Variants in MAPRE2 observed in about 807,000 individuals in gnomAD.
MAPRE2 encodes the protein microtubule-associated protein RP/EB family member 2.
In MAPRE2, 13 loss-of-function variants were observed where a neutral mutation model predicts 43.2. The observed-to-expected ratio is 0.30, with a 90% CI of 0.20 to 0.48. MAPRE2 has a LOEUF of 0.48. Ranked by LOEUF, MAPRE2 falls within the 20% of genes least tolerant of loss-of-function variation. The pLI, the probability that MAPRE2 is intolerant of heterozygous loss-of-function variation, is 0.99. For synonymous variants in MAPRE2, 135 were observed against 148.8 expected (o/e 0.91, Z 0.68); for missense variants, 161 against 400.2 (o/e 0.40, Z 5.10).
chr18:35,008,082 G>A lies in MAPRE2; in HGVS notation c.-8+2529G>A, dbSNP rs371367352. 3.3e-5 allele frequency among the ~76,000 whole-genome samples: 5 copies of A among 152,188 alleles called. No homozygotes were observed. In the East Asian group the frequency reaches 7.7e-4, roughly 24 times the overall value. The stretch of plus-strand genomic sequence containing the variant: ...AATGAGTAATCCTATCTGCTATTAA[G>A]TGGTTCCTGAGATTCCTTTACTGGG... On this transcript the variant is annotated intron_variant, in intron 2 of 7. Coordinates refer to the MAPRE2 transcript ENST00000413393.
At chr18:35,135,807 A>G (rs904248686) in intron 6 of MAPRE2, among the ~76,000 whole-genome samples, 3 of 152,224 alleles carry the variant, frequency 2.0e-5, no homozygotes, top group Admixed American at 6.5e-5. Context: ...CACTTTGTTC[A>G]TGATGCTGTT....
intron 2 of MAPRE2, among the ~76,000 whole-genome samples, chr18:35,020,771 AT>A (rs570905147): frequency 7.6e-4 from 115 of 152,288 alleles, no homozygotes; most frequent in African/African-American, 2.6e-3. Context: ...TAAATTTGAT[AT>A]TTTCGTTGTA....
chr18:35,057,396 T>G (rs1906287722), intron 1 of MAPRE2, among the ~76,000 whole-genome samples: 1 of 152,176 alleles, frequency 6.6e-6, no homozygotes, highest in Non-Finnish European at 1.5e-5. Flanking sequence ...TGTACTTCCC[T>G]TTGAAAATTG....
chr18:35,022,020 C>T (rs549814650), intron 2 of MAPRE2, among the ~76,000 whole-genome samples: 4 of 152,192 alleles, frequency 2.6e-5, no homozygotes, highest in African/African-American at 9.6e-5. Context: ...TCTGAAGCCT[C>T]AGAAGCAGTG....
intron 1 of MAPRE2, among the ~76,000 whole-genome samples, chr18:35,058,167 A>G (rs1906333430): frequency 6.6e-6 from 1 of 152,216 alleles, no homozygotes; most frequent in Non-Finnish European, 1.5e-5. Flanking sequence ...AGAAGAGTAG[A>G]TAAGCACAAA....
At chr18:34,991,946 C>G (rs887480943) in intron 1 of MAPRE2, among the ~76,000 whole-genome samples, 6 of 152,018 alleles carry the variant, frequency 3.9e-5, no homozygotes, top group African/African-American at 1.5e-4. Context: ...TCTTGTGAGG[C>G]CTAGTGGTGT....
intron 2 of MAPRE2, among the ~76,000 whole-genome samples, chr18:35,024,065 G>T (rs1268596715): frequency 6.6e-6 from 1 of 152,078 alleles, no homozygotes; most frequent in Non-Finnish European, 1.5e-5. Flanking sequence ...ATAATTTTTT[G>T]GTCATAATGT....
chr18:35,107,391 A>G (rs1440897961), intron 4 of MAPRE2, among the ~76,000 whole-genome samples: 2 of 152,152 alleles, frequency 1.3e-5, no homozygotes, highest in East Asian at 3.8e-4. Context: ...GGCTGTTTGT[A>G]TGACTGTAAA....
chr18:35,034,269 A>G (rs568072813), intron 2 of MAPRE2, among the ~76,000 whole-genome samples: 1 of 152,140 alleles, frequency 6.6e-6, no homozygotes, highest in African/African-American at 2.4e-5. Flanking sequence ...GGGAAAGGAT[A>G]CCCTATTTAA....
At position 35,047,189 on chromosome 18, in the gene MAPRE2, G is replaced by C. The variant is rs1472763254; in HGVS notation, c.122+5528G>C. 2.0e-5 allele frequency among the ~76,000 whole-genome samples: 3 copies of C among 152,130 alleles called. No individual in the cohort carries two copies. The East Asian group carries it at 5.8e-4, about 29-fold the overall frequency. ...TTATTTTAGTCAATTTCACTTTAAA[G>C]GACAAATTGATTTTCTTCTCTCCTG... On this transcript the variant is annotated intron_variant, in intron 1 of 6. Coordinates refer to ENST00000300249, the MANE Select transcript of MAPRE2 (RefSeq NM_014268.4).
At chr18:34,992,630 T>C (rs1438087711) in intron 1 of MAPRE2, among the ~76,000 whole-genome samples, 1 of 152,212 alleles carries the variant, frequency 6.6e-6, no homozygotes, top group Non-Finnish European at 1.5e-5. Flanking sequence ...GTGGGAACTA[T>C]ATTTTTTTCC....
At chr18:35,119,568 AT>A (rs1445876846) in intron 4 of MAPRE2, among the ~76,000 whole-genome samples, 6 of 152,234 alleles carry the variant, frequency 3.9e-5, no homozygotes, top group African/African-American at 7.2e-5. Flanking sequence ...CTCAATAAAA[AT>A]TTGCACAAAT....
At chr18:34,994,516 G>C (rs2097025484) in intron 1 of MAPRE2, among the ~76,000 whole-genome samples, 1 of 152,018 alleles carries the variant, frequency 6.6e-6, no homozygotes, top group African/African-American at 2.4e-5. Flanking sequence ...GGCCAGAAAG[G>C]CCAGAGAAGG....
upstream of MAPRE2, among the ~76,000 whole-genome samples, chr18:35,036,575 C>T (rs759473084): frequency 1.3e-5 from 2 of 152,164 alleles, no homozygotes; most frequent in South Asian, 2.1e-4. Flanking sequence ...ATGTTATAAC[C>T]TTCCCTACCT....
At chr18:34,985,943 T>C (rs944984813) in intron 1 of MAPRE2, among the ~76,000 whole-genome samples, 1 of 151,718 alleles carries the variant, frequency 6.6e-6, no homozygotes. Context: ...AGGCTTACTA[T>C]ATTTTTACTA....
At chr18:35,078,703 A>G (rs958071800) in intron 2 of MAPRE2, among the ~76,000 whole-genome samples, 3 of 152,142 alleles carry the variant, frequency 2.0e-5, no homozygotes, top group Admixed American at 1.3e-4. Flanking sequence ...TTCCATATCC[A>G]TTTAGCAGAA....
intron 1 of MAPRE2, among the ~76,000 whole-genome samples, chr18:34,990,075 T>A (rs1192117861): frequency 6.6e-6 from 1 of 152,166 alleles, no homozygotes; most frequent in Non-Finnish European, 1.5e-5. Flanking sequence ...GATTTTAACT[T>A]TGGGAATTGT....
chr18:35,010,372 T>A (rs1017971767), intron 2 of MAPRE2, among the ~76,000 whole-genome samples: 1 of 152,240 alleles, frequency 6.6e-6, no homozygotes, highest in Admixed American at 6.5e-5. Context: ...TACCACTGCA[T>A]ACCAGCTTGT....
chr18:35,126,820 T>A, intron 4 of MAPRE2, 128 bp from the exon 5 acceptor site: 6 of 758,356 alleles, frequency 7.9e-6, no homozygotes, highest in Non-Finnish European at 1.3e-5. Context: ...TCCTTCTATA[T>A]GGGAAGGGAT....
Sources: gnomAD v4.1 joint callset for allele counts (sites outside exome capture counted in the v4.1 genomes callset) on GRCh38, gnomAD v4.1.1 for gene constraint, MANE v1.5 for transcripts, NCBI Gene and HGNC (gene_info 2026-07-23, HGNC 2026-07-21) for gene names.